Variants in PLOD1 observed in about 807,000 individuals in gnomAD.
The protein encoded by PLOD1 is procollagen-lysine,2-oxoglutarate 5-dioxygenase 1.
In PLOD1, 70 loss-of-function variants were observed where a neutral mutation model predicts 94.7. The ratio of observed to expected loss-of-function variants is 0.74; its 90% CI spans 0.61 to 0.90. The LOEUF is 0.90. Ranked by LOEUF, PLOD1 falls within the 40% of genes least tolerant of loss-of-function variation. PLOD1 has a pLI of 0.00. For synonymous variants in PLOD1, 417 were observed against 400.2 expected (o/e 1.04, Z -0.50); for missense variants, 905 against 972.7 (o/e 0.93, Z 0.93).
At chr1:11,966,067 AAAC>A (rs1441548771) in intron 14 of PLOD1, among the ~76,000 whole-genome samples, 181 bp from the exon 15 acceptor site, 1 of 152,074 alleles carries the variant, frequency 6.6e-6, no homozygotes, top group Non-Finnish European at 1.5e-5. Context: ...ATACATGTGC[AAAC>A]ACCACCTCCT....
At position 11,949,832 on chromosome 1, in the gene PLOD1, G is replaced by A. The variant is rs766236123; in HGVS notation, c.228G>A (p.Gln76=). ...AGGGGACGTCGGCAGGTGGAGGGCAGAAGGTCCGGCTGCTGAAGAAAGCTC... is the reference window on the plus strand; with the variant it reads ...AGGGGACGTCGGCAGGTGGAGGGCAAAAGGTCCGGCTGCTGAAGAAAGCTC... ...VEKGTSAGGG[Q]KVRLLKKALE... The change falls in exon 3 of 19, where the codon CAG becomes CAA. Residue 76 remains glutamine, a synonymous_variant. Transcript: ENST00000196061. 6.2e-7 allele frequency: 1 copy of A among 1,614,118 alleles called. No homozygotes were observed. Among genetic ancestry groups the A allele is most frequent in the Non-Finnish European group, 8.5e-7 (1 of 1,179,946 alleles).
chr1:11,960,573 G>T lies in PLOD1; in HGVS notation c.976-73G>T, dbSNP rs1318909636. The T allele has an allele frequency of 7.6e-6, 8 of 1,057,936 alleles. No homozygotes were observed. In the Admixed American group the frequency reaches 1.4e-4, roughly 18 times the overall value. The allele number at this position is 1,057,936 out of a possible 1,614,324, so 65.5% of individuals were successfully genotyped here. ...GGGCACAGCCTGGCAGTGACAGGAG[G>T]TGCTACAGTCCCTGGGTGGAAGCTG... On this transcript the variant is annotated intron_variant, in intron 9 of 18. Transcript: ENST00000196061.
rs1569707797 is a variant in PLOD1, at chr1:11,958,449, C to G, written c.844-67C>G. The G allele has an allele frequency of 1.3e-6, 2 of 1,580,586 alleles. No individual in the cohort carries two copies. Among genetic ancestry groups the G allele is most frequent in the Admixed American group, 3.4e-5 (2 of 58,600 alleles). On this transcript the variant is annotated intron_variant, in intron 8 of 18. Transcript: ENST00000196061. This position sits in a 1 kb window ranked among gnomAD's most constrained non-coding sequence, Gnocchi z 4.3. Reference sequence around the variant, plus strand: ...TCTGGCTCTGACTCCCTTGGGCCACCCTGGGGTGGAGTGGCAGTGCTGTGA... The same window carrying G: ...TCTGGCTCTGACTCCCTTGGGCCACGCTGGGGTGGAGTGGCAGTGCTGTGA...
intron 1 of PLOD1, among the ~76,000 whole-genome samples, chr1:11,935,488 A>AT (rs1368752527): frequency 1.1e-4 from 16 of 151,810 alleles, no homozygotes; most frequent in East Asian, 5.8e-4. Flanking sequence ...TCTGCAGTTT[A>AT]TTTTTTTTAT....
At chr1:11,954,291 G>A in intron 5 of PLOD1, 1 of 328,866 alleles carries the variant, frequency 3.0e-6, no homozygotes, top group Non-Finnish European at 5.9e-6. Flanking sequence ...TGCTCAATGT[G>A]GTGAAATCCC....
Position 11,963,607 on chromosome 1 carries a change from C to T in PLOD1, c.1173C>T (p.Asn391=), listed in dbSNP as rs764179880. The T allele has an allele frequency of 1.2e-6, 2 of 1,600,576 alleles. No individual in the cohort carries two copies. Among genetic ancestry groups the T allele is most frequent in the Non-Finnish European group, 1.7e-6 (2 of 1,174,302 alleles). Residue 391 remains asparagine, a synonymous_variant, in exon 11 of 19, where the codon AAC becomes AAT. Transcript: ENST00000196061. This position sits in a 1 kb window ranked among gnomAD's most constrained non-coding sequence, Gnocchi z 4.3. ...VDADVALTEP[N]SLRLLIQQNK... ...CTGACGTGGCCCTGACCGAGCCCAA[C>T]AGCCTGCGGCTGCTGATCCAACAGA...
Position 11,965,607 on chromosome 1 carries a change from G to T in PLOD1, c.1584+14G>T. On this transcript the variant is annotated intron_variant, in intron 14 of 18. Transcript: ENST00000196061. ...AGCAACCCCGAGGTGAGGCCAGGGT[G>T]GGCACATAGGGGCTGGGAGCAAAGG... 6.8e-7 allele frequency: 1 copy of T among 1,480,396 alleles called. No homozygotes were observed. Among genetic ancestry groups the T allele is most frequent in the Non-Finnish European group, 9.4e-7 (1 of 1,058,478 alleles). The allele number at this position is 1,480,396 out of a possible 1,614,324, so 91.7% of individuals were successfully genotyped here.
chr1:11,963,883 C>T lies in PLOD1; in HGVS notation c.1202+247C>T, dbSNP rs1351737644. Among the ~76,000 whole-genome samples, 1 of 152,094 alleles carries T rather than the reference C, an allele frequency of 6.6e-6. No individual in the cohort carries two copies. The highest frequency in any genetic ancestry group is 1.5e-5 in the Non-Finnish European group (1 of 68,012). On this transcript the variant is annotated intron_variant, in intron 11 of 18. Coordinates refer to ENST00000196061, the MANE Select transcript of PLOD1 (RefSeq NM_000302.4). This position sits in a 1 kb window ranked among gnomAD's most constrained non-coding sequence, Gnocchi z 4.3. The stretch of plus-strand genomic sequence containing the variant: ...CCTCTTTCTCCTCCTCCTCTTCCTC[C>T]TCCTCCTTGGCCTCACCTATTACCC...
In PLOD1 at chr1:11,957,978, C is replaced by A; in HGVS notation, c.843+35C>A. 4 of 1,351,498 alleles carry A rather than the reference C, an allele frequency of 3.0e-6. No individual in the cohort carries two copies. The highest frequency in any genetic ancestry group is 1.4e-5 in the African/African-American group (1 of 70,014). 83.7% of individuals were successfully genotyped at this position (1,351,498 alleles called of 1,614,324 possible). On this transcript the variant is annotated intron_variant, in intron 8 of 18. Coordinates refer to ENST00000196061, the MANE Select transcript of PLOD1 (RefSeq NM_000302.4). The surrounding 1 kb of genome is among the most constrained non-coding windows in gnomAD (Gnocchi z 4.1). ...CGCCCAGGCCTGTGCCTGAGGGACACGGGGGGCTCAGTCCCCTGAGATGGC... is the reference window on the plus strand; with the variant it reads ...CGCCCAGGCCTGTGCCTGAGGGACAAGGGGGGCTCAGTCCCCTGAGATGGC...
chr1:11,966,667 C>T (rs773930509), intron 15 of PLOD1, among the ~76,000 whole-genome samples: 4 of 152,090 alleles, frequency 2.6e-5, no homozygotes, highest in Admixed American at 6.5e-5. Flanking sequence ...GCCCACCATG[C>T]CTGGACCACT....
At chr1:11,950,618 A>G in intron 4 of PLOD1, 98 bp downstream of exon 4, 1 of 1,075,364 alleles carries the variant, frequency 9.3e-7, no homozygotes, top group Non-Finnish European at 1.4e-6. Context: ...TGGGTGTCTC[A>G]CAGGTCTCCA....
chr1:11,955,915 C>T lies in PLOD1; in HGVS notation c.644-1002C>T, dbSNP rs1352347094. On this transcript the variant is annotated intron_variant, in intron 6 of 18. Coordinates refer to ENST00000196061, the MANE Select transcript of PLOD1 (RefSeq NM_000302.4). Reference sequence around the variant, plus strand: ...TGCTGAGATTACAGACGTGAGCCATCGTGCCCAGCCCTATTTTAATTTTTA... The same window carrying T: ...TGCTGAGATTACAGACGTGAGCCATTGTGCCCAGCCCTATTTTAATTTTTA... Among the ~76,000 whole-genome samples, 8 of 152,048 alleles carry T rather than the reference C, an allele frequency of 5.3e-5. 1 individual carries two copies. The highest frequency in any genetic ancestry group is 4.2e-4 in the South Asian group (2 of 4,816).
chr1:11,940,108 C>T (rs1361669778), intron 1 of PLOD1, among the ~76,000 whole-genome samples: 1 of 152,002 alleles, frequency 6.6e-6, no homozygotes, highest in Non-Finnish European at 1.5e-5. Flanking sequence ...CTGCAGCCTT[C>T]ACCTCCTGGG....
At chr1:11,954,247 C>T (rs992515953) in intron 5 of PLOD1, 40 of 231,894 alleles carry the variant, frequency 1.7e-4, no homozygotes, top group African/African-American at 1.0e-3. Context: ...GGGGCGGGGG[C>T]GGATCACCTG....
chr1:11,941,305 C>A lies in PLOD1; in HGVS notation c.76+6450C>A, dbSNP rs572359816. Among the ~76,000 whole-genome samples the A allele has an allele frequency of 4.0e-4, 61 of 151,730 alleles. 3 individuals are homozygous for A. The highest frequency in any genetic ancestry group is 1.2e-4 in the Non-Finnish European group (8 of 67,944). ...TCACCCAGGCTAGAGTGCAGTGGCA[C>A]CACAAAAGTACAAAAGTACCTTCCA... is the stretch of plus-strand genomic sequence containing the variant. On this transcript the variant is annotated intron_variant, in intron 1 of 18. Transcript: ENST00000196061.
intron 1 of PLOD1, among the ~76,000 whole-genome samples, chr1:11,946,484 T>G (rs187075440): frequency 1.3e-5 from 2 of 152,298 alleles, no homozygotes; most frequent in East Asian, 3.9e-4. Flanking sequence ...AGCATGGTGT[T>G]GGGAGAATCT....
rs1645751434 is a variant in PLOD1, at chr1:11,957,986, T to C, written c.843+43T>C. On this transcript the variant is annotated intron_variant, in intron 8 of 18. Transcript: ENST00000196061. The surrounding 1 kb of genome is among the most constrained non-coding windows in gnomAD (Gnocchi z 4.1). ...CCTGTGCCTGAGGGACACGGGGGGC[T>C]CAGTCCCCTGAGATGGCGAGATGGG... is the stretch of plus-strand genomic sequence containing the variant. 3 of 1,276,786 alleles carry C rather than the reference T, an allele frequency of 2.3e-6. No individual in the cohort carries two copies. Among genetic ancestry groups the C allele is most frequent in the Non-Finnish European group, 3.4e-6 (3 of 872,118 alleles). The allele number at this position is 1,276,786 out of a possible 1,614,324, so 79.1% of individuals were successfully genotyped here.
Position 11,958,721 on chromosome 1 carries a change from C to A in PLOD1, c.975+74C>A. The stretch of plus-strand genomic sequence containing the variant: ...CCCAGCTTCACAAGGTAGCCCGAGA[C>A]CTCTGAGGGTCTCACCGAATCTAGC... On this transcript the variant is annotated intron_variant, in intron 9 of 18. Transcript: ENST00000196061. The surrounding 1 kb of genome is among the most constrained non-coding windows in gnomAD (Gnocchi z 4.3). 11 of 1,564,104 alleles carry A rather than the reference C, an allele frequency of 7.0e-6. No individual in the cohort carries two copies. Among genetic ancestry groups the A allele is most frequent in the Non-Finnish European group, 9.7e-6 (11 of 1,139,518 alleles).
At chr1:11,967,606 T>C (rs1645829017) in intron 16 of PLOD1, among the ~76,000 whole-genome samples, 1 of 125,556 alleles carries the variant, frequency 8.0e-6, no homozygotes, top group South Asian at 2.8e-4. Context: ...TGTATATATA[T>C]ATATATATAA....
Sources: gnomAD v4.1 joint callset for allele counts (sites outside exome capture counted in the v4.1 genomes callset) on GRCh38, gnomAD v4.1.1 for gene constraint, Gnocchi (gnomAD v3.1) non-coding constraint, MANE v1.5 for transcripts, NCBI Gene and HGNC (gene_info 2026-07-23, HGNC 2026-07-21) for gene names.